Variants in COL5A2 observed in about 807,000 individuals in gnomAD.
COL5A2 encodes the protein collagen type V alpha 2 chain.
COL5A2 carries 23 observed loss-of-function variants against 208.2 expected under a neutral mutation model. The ratio of observed to expected loss-of-function variants is 0.11; its 90% confidence interval spans 0.08 to 0.16. COL5A2 has a LOEUF of 0.16. Ranked by LOEUF, COL5A2 falls within the 10% of genes least tolerant of loss-of-function variation. The pLI is 1.00. For synonymous variants in COL5A2, 625 were observed against 628.5 expected (o/e 0.99, Z 0.08); for missense variants, 1,590 against 1,956.4 (o/e 0.81, Z 3.53).
chr2:189,182,528 G>C (rs143638861), upstream of COL5A2, among the ~76,000 whole-genome samples: 1 of 152,086 alleles, frequency 6.6e-6, no homozygotes, highest in Non-Finnish European at 1.5e-5. Context: ...CCACCACACT[G>C]TCCCCAGGAG....
intron 1 of COL5A2, among the ~76,000 whole-genome samples, chr2:189,194,890 T>G (rs966559076): frequency 3.9e-5 from 6 of 152,200 alleles, no homozygotes; most frequent in African/African-American, 1.4e-4. Flanking sequence ...GTTTACATGA[T>G]GGATTACCTT....
Position 189,042,771 on chromosome 2 carries a change from A to G in COL5A2, c.3474T>C (p.Gly1158=). ...TGLQGLPGPP[G]PNGEQGSAGI... Reference sequence around the variant, plus strand: ...CAGCACTTCCTTGTTCACCATTTGGACCCTAAGTAGGAATACAATAAAAAA... The same window carrying G: ...CAGCACTTCCTTGTTCACCATTTGGGCCCTAAGTAGGAATACAATAAAAAA... The change falls in exon 49 of 54, where the codon GGT becomes GGC. Residue 1158 remains glycine, a splice_region_variant and synonymous_variant. Transcript: ENST00000374866. 1 of 1,604,586 alleles carries G rather than the reference A, an allele frequency of 6.2e-7. No homozygotes were observed. Among genetic ancestry groups the G allele is most frequent in the Non-Finnish European group, 8.5e-7 (1 of 1,174,230 alleles).
chr2:189,270,744 T>C, the COL5A2 span, among the ~76,000 whole-genome samples: 2 of 152,136 alleles, frequency 1.3e-5, no homozygotes, highest in Non-Finnish European at 2.9e-5. Flanking sequence ...GACATGATTG[T>C]ATATTTAGAA....
intron 1 of COL5A2, among the ~76,000 whole-genome samples, chr2:189,164,095 T>C (rs919286667): frequency 3.3e-5 from 5 of 152,204 alleles, no homozygotes; most frequent in Non-Finnish European, 5.9e-5. Context: ...TAGGACTTTT[T>C]TCTAAACGTT....
At chr2:189,316,550 T>C in the COL5A2 span, among the ~76,000 whole-genome samples, 5 of 151,872 alleles carry the variant, frequency 3.3e-5, no homozygotes, top group African/African-American at 1.2e-4. Context: ...TGAGAACACA[T>C]AGACACACAG....
the COL5A2 span, among the ~76,000 whole-genome samples, chr2:189,292,660 T>G: frequency 1.3e-5 from 2 of 152,192 alleles, no homozygotes; most frequent in East Asian, 3.9e-4. Flanking sequence ...TTGGTGGGAC[T>G]GTAAACTAGC....
At chr2:189,219,016 A>G (rs1689313829) in intron 1 of COL5A2, among the ~76,000 whole-genome samples, 1 of 152,192 alleles carries the variant, frequency 6.6e-6, no homozygotes, top group Admixed American at 6.5e-5. Flanking sequence ...TATCTGATTT[A>G]CCTTACCCTG....
intron 33 of COL5A2, among the ~76,000 whole-genome samples, chr2:189,057,907 T>C (rs531832158): frequency 2.0e-4 from 30 of 152,326 alleles, no homozygotes; most frequent in African/African-American, 7.0e-4. Flanking sequence ...CATGAAAAAT[T>C]CTACTTCAAT....
intron 1 of COL5A2, among the ~76,000 whole-genome samples, chr2:189,219,752 T>G (rs971527477): frequency 6.6e-6 from 1 of 152,058 alleles, no homozygotes; most frequent in Non-Finnish European, 1.5e-5. Context: ...CTTGAGTTAG[T>G]GAAATAAGCT....
intron 1 of COL5A2, among the ~76,000 whole-genome samples, chr2:189,219,873 G>GC (rs5837132): frequency 3.4e-4 from 52 of 150,876 alleles, no homozygotes; most frequent in Middle Eastern, 3.4e-3. Context: ...CAGATAGAGT[G>GC]CCCCCCCCCC....
At chr2:189,316,215 TC>T in the COL5A2 span, among the ~76,000 whole-genome samples, 1 of 152,086 alleles carries the variant, frequency 6.6e-6, no homozygotes, top group African/African-American at 2.4e-5. Flanking sequence ...AACCTTAATG[TC>T]CATCAATGAT....
chr2:189,272,166 T>C, the COL5A2 span, among the ~76,000 whole-genome samples: 3 of 152,146 alleles, frequency 2.0e-5, no homozygotes, highest in Admixed American at 2.0e-4. Context: ...ACTGGGCATA[T>C]ACCCAAAGGA....
At chr2:189,046,224 C>G (rs1449993796) in intron 45 of COL5A2, among the ~76,000 whole-genome samples, 5 of 152,088 alleles carry the variant, frequency 3.3e-5, no homozygotes, top group African/African-American at 1.2e-4. Flanking sequence ...AATCTTTAAG[C>G]TGGAATATTG....
chr2:189,414,891 A>G, the COL5A2 span, among the ~76,000 whole-genome samples: 2 of 152,176 alleles, frequency 1.3e-5, no homozygotes, highest in African/African-American at 4.8e-5. Flanking sequence ...TGGATACATA[A>G]AATTCATAGG....
At chr2:189,217,294 G>A (rs1689291240) in intron 1 of COL5A2, among the ~76,000 whole-genome samples, 1 of 151,976 alleles carries the variant, frequency 6.6e-6, no homozygotes, top group Admixed American at 6.6e-5. Context: ...CTGAGCTCTG[G>A]GATATGCCGC....
chr2:189,241,307 C>CA, the COL5A2 span, among the ~76,000 whole-genome samples: 2 of 152,070 alleles, frequency 1.3e-5, no homozygotes, highest in African/African-American at 4.8e-5. Context: ...GCAATGGGCA[C>CA]ACTAAAAGCC....
the COL5A2 span, among the ~76,000 whole-genome samples, chr2:189,405,126 T>G: frequency 1.3e-5 from 2 of 152,206 alleles, no homozygotes; most frequent in East Asian, 1.9e-4. Context: ...TAACCATTAT[T>G]ATCAATATTA....
At chr2:189,087,289 A>G (rs1389308832) in intron 8 of COL5A2, among the ~76,000 whole-genome samples, 4 of 152,210 alleles carry the variant, frequency 2.6e-5, no homozygotes, top group Non-Finnish European at 4.4e-5. Flanking sequence ...CTTTCACAAC[A>G]TAGATTGAAA....
chr2:189,303,208 G>T, the COL5A2 span, among the ~76,000 whole-genome samples: 1 of 152,052 alleles, frequency 6.6e-6, no homozygotes, highest in African/African-American at 2.4e-5. Context: ...GACAACAATT[G>T]GTTTCCAGTT....
Sources: gnomAD v4.1 joint callset for allele counts (sites outside exome capture counted in the v4.1 genomes callset) on GRCh38, gnomAD v4.1.1 for gene constraint, MANE v1.5 for transcripts, NCBI Gene and HGNC (gene_info 2026-07-23, HGNC 2026-07-21) for gene names.